The following RALGAPA1 variants were observed in gnomAD, a reference collection of about 807,000 sequenced individuals.
The protein encoded by RALGAPA1 is Ral GTPase activating protein catalytic subunit alpha 1.
Under a neutral mutation model 269.6 loss-of-function variants are expected in RALGAPA1, and 52 were observed. The ratio of observed to expected loss-of-function variants is 0.19; its 90% confidence interval spans 0.15 to 0.24. RALGAPA1 has a LOEUF of 0.24. RALGAPA1 is among the 10% of genes least tolerant of loss of function. The probability of loss-of-function intolerance (pLI) is 1.00; values close to 1 mark genes in which losing one functional copy is unlikely to be tolerated. For missense variants in RALGAPA1, 1,917 were observed against 3,013.9 expected (o/e 0.64, Z 8.52); for synonymous variants, 817 against 1,008.3 (o/e 0.81, Z 3.60).
At chr14:35,762,899 T>A (rs768071641) in intron 4 of RALGAPA1, 146 bp from the exon 5 acceptor site, 9 of 599,174 alleles carry the variant, frequency 1.5e-5, no homozygotes, top group Non-Finnish European at 2.7e-5. Context: ...CTGCCATACT[T>A]GGGATCAGAA....
Position 35,748,843 on chromosome 14 carries a change from A to AG in RALGAPA1, c.1012-20_1012-19insC. The AG allele has an allele frequency of 6.4e-7, 1 of 1,561,850 alleles. No homozygotes were observed. Among genetic ancestry groups the AG allele is most frequent in the Non-Finnish European group, 8.6e-7 (1 of 1,164,132 alleles). ...CTGCTCTCTAAAATACAAAAAAAAAAAAAAAAGAGAGAAACAATATCATAA... is the reference window on the plus strand; with the variant it reads ...CTGCTCTCTAAAATACAAAAAAAAAAGAAAAAAGAGAGAAACAATATCATAA... On this transcript the variant is annotated intron_variant, in intron 9 of 41. Coordinates refer to ENST00000680220, the MANE Select transcript of RALGAPA1 (RefSeq NM_001346249.2).
At chr14:35,584,634 C>A (rs895641313) in intron 37 of RALGAPA1, among the ~76,000 whole-genome samples, 3 of 151,888 alleles carry the variant, frequency 2.0e-5, no homozygotes, top group African/African-American at 7.3e-5. Context: ...AACTCTACAG[C>A]AATCACTAAA....
chr14:35,667,926 T>C (rs572233773), intron 26 of RALGAPA1, among the ~76,000 whole-genome samples: 56 of 152,204 alleles, frequency 3.7e-4, no homozygotes, highest in Non-Finnish European at 6.3e-4. Context: ...AACAAATGAA[T>C]GGATAAAGAA....
At chr14:35,621,820 T>G (rs2060648973) in intron 35 of RALGAPA1, among the ~76,000 whole-genome samples, 1 of 152,154 alleles carries the variant, frequency 6.6e-6, no homozygotes, top group South Asian at 2.1e-4. Context: ...TGAGATACCA[T>G]CTCACAACAG....
At position 35,782,830 on chromosome 14, in the gene RALGAPA1, A is replaced by AT. The variant is rs112773285; in HGVS notation, c.107-7086dup. ...AGTGACCCAGAATAGTCAAAACAGTATTTTTTTTTTTTAAATGGAGTCTCG... is the reference window on the plus strand; with the variant it reads ...AGTGACCCAGAATAGTCAAAACAGTATTTTTTTTTTTTTAAATGGAGTCTCG... On this transcript the variant is annotated intron_variant, in intron 1 of 41. Coordinates refer to ENST00000680220, the MANE Select transcript of RALGAPA1 (RefSeq NM_001346249.2). Among the ~76,000 whole-genome samples the AT allele has an allele frequency of 7.9e-3, 1,159 of 147,082 alleles. 15 individuals carry two copies. The highest frequency in any genetic ancestry group is 0.026 in the African/African-American group (1,036 of 40,362).
intron 25 of RALGAPA1, 82 bp from the exon 26 acceptor site, chr14:35,671,599 A>G: frequency 4.6e-6 from 3 of 657,876 alleles, no homozygotes; most frequent in Non-Finnish European, 7.7e-6. Context: ...AAAAATAGAT[A>G]ACATATGAAA....
chr14:35,772,520 T>C (rs1169019202), intron 3 of RALGAPA1, among the ~76,000 whole-genome samples: 1 of 152,222 alleles, frequency 6.6e-6, no homozygotes, highest in East Asian at 1.9e-4. Flanking sequence ...GCTACCTTAC[T>C]GCTAAACAGT....
At position 35,686,480 on chromosome 14, in the gene RALGAPA1, G is replaced by A. The variant is rs1047133323; in HGVS notation, c.4077+62C>T. 6.6e-6 allele frequency: 9 copies of A among 1,356,546 alleles called. No individual in the cohort carries two copies. In the African/African-American group the frequency reaches 1.3e-4, roughly 20 times the overall value. 84.0% of individuals were successfully genotyped at this position (1,356,546 alleles called of 1,614,324 possible). On this transcript the variant is annotated intron_variant, in intron 19 of 41. Transcript: ENST00000680220. Reference sequence around the variant, plus strand: ...TATAAATTGACATATATGTACATAGGTATATATCTGTTAGTTTTTCTACCC... The same window carrying A: ...TATAAATTGACATATATGTACATAGATATATATCTGTTAGTTTTTCTACCC...
chr14:35,805,689 T>C (rs943980657), intron 1 of RALGAPA1, among the ~76,000 whole-genome samples: 53 of 150,278 alleles, frequency 3.5e-4, no homozygotes, highest in African/African-American at 7.8e-4. Context: ...TTTTCTTTTT[T>C]TTTTTTTTTT....
chr14:35,702,715 TAAA>T (rs1555409652), intron 16 of RALGAPA1, among the ~76,000 whole-genome samples: 36 of 114,088 alleles, frequency 3.2e-4, no homozygotes, highest in East Asian at 1.1e-3. Flanking sequence ...CACCTTTAAT[TAAA>T]AAAAAAAAAT....
chr14:35,618,260 C>T (rs975797357), intron 35 of RALGAPA1, among the ~76,000 whole-genome samples: 4 of 151,932 alleles, frequency 2.6e-5, no homozygotes, highest in East Asian at 1.9e-4. Context: ...TCTAACACAA[C>T]GAGAAGCCAA....
Position 35,689,189 on chromosome 14 carries a change from A to G in RALGAPA1, c.3222T>C (p.Cys1074=), listed in dbSNP as rs1440324441. 5.7e-6 allele frequency: 7 copies of G among 1,232,928 alleles called. No homozygotes were observed. The Admixed American group carries it at 2.9e-4, about 52-fold the overall frequency. The allele number at this position is 1,232,928 out of a possible 1,614,324, so 76.4% of individuals were successfully genotyped here. ...GCTTTTCAACTAGTGTTACATCAAC[A>G]CAAGCATCTAATTCTGTGGCTGCTT... ...YRQAATELDA[C]VDVTLVEKLK... The change falls in exon 18 of 42, where the codon TGT becomes TGC. Residue 1074 remains cysteine (C), a synonymous_variant. Coordinates refer to ENST00000680220, the MANE Select transcript of RALGAPA1 (RefSeq NM_001346249.2).
rs199745668 is a variant in RALGAPA1, at chr14:35,627,048, C to T, written c.6857+42G>A. ...TGCTTTATCAGAAGATGAATAAGACCGAAAAAAAAAAAAAAAGAAAAAATT... is the reference window on the plus strand; with the variant it reads ...TGCTTTATCAGAAGATGAATAAGACTGAAAAAAAAAAAAAAAGAAAAAATT... On this transcript the variant is annotated intron_variant, in intron 34 of 41. Coordinates refer to ENST00000680220, the MANE Select transcript of RALGAPA1 (RefSeq NM_001346249.2). 1.9e-4 allele frequency: 105 copies of T among 545,340 alleles called. No homozygotes were observed. The East Asian group carries it at 3.4e-3, about 18-fold the overall frequency. The allele number at this position is 545,340 out of a possible 1,614,324, so 33.8% of individuals were successfully genotyped here.
At chr14:35,683,510 T>G (rs1186481282) in intron 21 of RALGAPA1, 1 of 202,972 alleles carries the variant, frequency 4.9e-6, no homozygotes, top group Non-Finnish European at 9.9e-6. Context: ...CATATACATA[T>G]ACATCTATTA....
intron 1 of RALGAPA1, among the ~76,000 whole-genome samples, chr14:35,792,881 GGA>G (rs2076293186): frequency 8.0e-6 from 1 of 125,104 alleles, no homozygotes; most frequent in African/African-American, 4.0e-5. Context: ...ATTCAAGAGG[GGA>G]AAAAAAAAAA....
In RALGAPA1 at chr14:35,688,867, C is replaced by A; in HGVS notation, c.3544G>T (p.Gly1182Cys). 3.1e-6 allele frequency: 4 copies of A among 1,280,482 alleles called. No homozygotes were observed. The highest frequency in any genetic ancestry group is 3.9e-6 in the Non-Finnish European group (4 of 1,016,326). 79.3% of individuals were successfully genotyped at this position (1,280,482 alleles called of 1,614,324 possible). A position where few individuals can be genotyped will look rare whatever the true frequency, so the allele number is the denominator to read the frequency against. ...TTGCTGCTACCACTACTAAAGCCAC[C>A]GAGCTTCCGCAGTCTCATCTTCCAT... ...APWKMRLRKL[G>C]GFSSGSSNSS... Residue 1182 changes from glycine to cysteine, a missense_variant, in exon 18 of 42, where the codon GGT becomes TGT. Physicochemically the swap from Gly to Cys is radical, Grantham distance 159. Transcript: ENST00000680220.
chr14:35,679,565 T>G (rs1203515316), intron 21 of RALGAPA1, among the ~76,000 whole-genome samples: 1 of 152,250 alleles, frequency 6.6e-6, no homozygotes, highest in South Asian at 2.1e-4. Flanking sequence ...ATTTACTGAC[T>G]ACTGTACTGA....
At chr14:35,767,001 G>T in intron 4 of RALGAPA1, 1 of 367,050 alleles carries the variant, frequency 2.7e-6, no homozygotes, top group South Asian at 2.4e-5. Flanking sequence ...ACAGTAGCCA[G>T]ATGGCTTGAA....
chr14:35,801,715 C>A (rs1345703652), intron 1 of RALGAPA1, among the ~76,000 whole-genome samples: 1 of 152,110 alleles, frequency 6.6e-6, no homozygotes, highest in Non-Finnish European at 1.5e-5. Context: ...CTGATAGAAA[C>A]CCTCAGCCAA....
Sources: allele counts gnomAD v4.1 joint callset (sites outside exome capture counted in the v4.1 genomes callset), GRCh38; gene constraint gnomAD v4.1.1; transcripts MANE v1.5; gene names NCBI Gene and HGNC (gene_info 2026-07-23, HGNC 2026-07-21).